The following PTCHD4 variants were observed in gnomAD, a reference collection of about 807,000 sequenced individuals.
The protein encoded by PTCHD4 is patched domain-containing protein 4.
In PTCHD4, 33 loss-of-function variants were observed where a neutral mutation model predicts 58.1. That is an observed-to-expected ratio of 0.57 (90% CI 0.43 to 0.76). The LOEUF is 0.76. Among genes scored for constraint, PTCHD4 ranks in the 30% least tolerant of loss-of-function variants. The pLI, the probability that PTCHD4 is intolerant of heterozygous loss-of-function variation, is 0.00. For synonymous variants in PTCHD4, 478 were observed against 409.6 expected (o/e 1.17, Z -2.02); for missense variants, 1,058 against 1,027.1 (o/e 1.03, Z -0.41).
intron 1 of PTCHD4, among the ~76,000 whole-genome samples, chr6:48,087,761 T>TA (rs1765290045): frequency 1.3e-5 from 2 of 152,206 alleles, no homozygotes; most frequent in South Asian, 2.1e-4. Flanking sequence ...CATACCTATC[T>TA]AAAAGAATTA....
intron 3 of PTCHD4, among the ~76,000 whole-genome samples, chr6:48,066,391 G>T (rs1008826869): frequency 6.6e-6 from 1 of 152,072 alleles, no homozygotes; most frequent in Non-Finnish European, 1.5e-5. Context: ...AAGCACTAGA[G>T]GACCCAACCA....
chr6:47,867,917 C>A lies in PTCHD4; in HGVS notation c.*10386G>T, dbSNP rs994296266. 1.3e-5 allele frequency among the ~76,000 whole-genome samples: 2 copies of A among 151,734 alleles called. No homozygotes were observed. Among genetic ancestry groups the A allele is most frequent in the Non-Finnish European group, 2.9e-5 (2 of 67,814 alleles). On this transcript the variant is annotated 3_prime_UTR_variant, in exon 5 of 5. Coordinates refer to ENST00000339488, the MANE Select transcript of PTCHD4 (RefSeq NM_001384253.1). Reference sequence around the variant, plus strand: ...TGAGGTAAGTAAATAGGTACAATCACAAGCCATCTAGGGGTACTTCAGAAA... The same window carrying A: ...TGAGGTAAGTAAATAGGTACAATCAAAAGCCATCTAGGGGTACTTCAGAAA...
Position 47,861,804 on chromosome 6 carries a change from T to A in PTCHD4, c.*16499A>T, listed in dbSNP as rs1433247317. ...AAGTATTCCGCTGAGCAATTTGAAC[T>A]GCTTTGTCCCTCACACAGGACTTTG... On this transcript the variant is annotated 3_prime_UTR_variant, in exon 5 of 5. Transcript: ENST00000339488. Among the ~76,000 whole-genome samples, 1 of 151,958 alleles carries A rather than the reference T, an allele frequency of 6.6e-6. No individual in the cohort carries two copies. Among genetic ancestry groups the A allele is most frequent in the Non-Finnish European group, 1.5e-5 (1 of 67,898 alleles).
chr6:48,025,943 G>A lies in PTCHD4; in HGVS notation c.418-16829C>T, dbSNP rs543648490. Among the ~76,000 whole-genome samples the A allele has an allele frequency of 7.2e-5, 11 of 152,110 alleles. No homozygotes were observed. The South Asian group carries it at 2.3e-3, about 32-fold the overall frequency. ...AAAGAGATCTCCCTAGTTTTAAAGG[G>A]CAATGACTCCTACCACTCTCTCCAA... On this transcript the variant is annotated intron_variant, in intron 3 of 4. Transcript: ENST00000339488.
chr6:47,973,396 G>C (rs1384883596), intron 4 of PTCHD4, among the ~76,000 whole-genome samples: 1 of 152,200 alleles, frequency 6.6e-6, no homozygotes, highest in East Asian at 1.9e-4. Context: ...AAGAAGATAA[G>C]CTCCACCTTC....
In PTCHD4 at chr6:47,868,071, G is replaced by C. The variant is rs748703976; in HGVS notation, c.*10232C>G. On this transcript the variant is annotated 3_prime_UTR_variant, in exon 5 of 5. Transcript: ENST00000339488. ...CTGAAACTTTCCAATGTGTTCCTTT[G>C]TTTTTAAAGCCTAACTAAGCTAATG... is the stretch of plus-strand genomic sequence containing the variant. Among the ~76,000 whole-genome samples the C allele has an allele frequency of 6.6e-6, 1 of 151,514 alleles. No homozygotes were observed. Among genetic ancestry groups the C allele is most frequent in the Non-Finnish European group, 1.5e-5 (1 of 67,750 alleles).
chr6:48,058,896 G>A (rs1355799537), intron 3 of PTCHD4, among the ~76,000 whole-genome samples: 1 of 152,066 alleles, frequency 6.6e-6, no homozygotes, highest in Non-Finnish European at 1.5e-5. Flanking sequence ...CACTTACTAA[G>A]GAATTAATGA....
chr6:47,864,307 T>TAC lies in PTCHD4; in HGVS notation c.*13995_*13996insGT, dbSNP rs1264058240. Reference sequence around the variant, plus strand: ...TAAATGGAGCCCATTATTTTTGAGATATATATATACACACACACACACATA... The same window carrying TAC: ...TAAATGGAGCCCATTATTTTTGAGATACATATATATACACACACACACACATA... On this transcript the variant is annotated 3_prime_UTR_variant, in exon 5 of 5. Transcript: ENST00000339488. Among the ~76,000 whole-genome samples the TAC allele has an allele frequency of 1.1e-5, 1 of 88,256 alleles. No individual in the cohort carries two copies. Among genetic ancestry groups the TAC allele is most frequent in the African/African-American group, 3.5e-5 (1 of 28,522 alleles). 57.9% of individuals were successfully genotyped at this position (88,256 alleles called of 152,430 possible).
At chr6:48,080,736 A>G (rs1173817521) in intron 1 of PTCHD4, among the ~76,000 whole-genome samples, 2 of 152,202 alleles carry the variant, frequency 1.3e-5, no homozygotes, top group Admixed American at 1.3e-4. Flanking sequence ...CAACAGGCTA[A>G]CTTCAATCTT....
chr6:47,914,788 C>A (rs1581870690), intron 4 of PTCHD4, among the ~76,000 whole-genome samples: 1 of 146,996 alleles, frequency 6.8e-6, no homozygotes, highest in Non-Finnish European at 1.5e-5. Flanking sequence ...ATCTATCTAT[C>A]TATATTTGTA....
intron 3 of PTCHD4, among the ~76,000 whole-genome samples, chr6:48,025,001 T>C (rs745873017): frequency 1.3e-5 from 2 of 152,212 alleles, no homozygotes; most frequent in African/African-American, 2.4e-5. Context: ...TTGAACACTC[T>C]ACTGGATTGC....
rs1167205503 is a variant in PTCHD4, at chr6:47,981,893, T to C, written c.898+26741A>G. Among the ~76,000 whole-genome samples, 3 of 152,218 alleles carry C rather than the reference T, an allele frequency of 2.0e-5. No individual in the cohort carries two copies. The East Asian group carries it at 5.8e-4, about 29-fold the overall frequency. On this transcript the variant is annotated intron_variant, in intron 4 of 4. Transcript: ENST00000339488. ...TCCAGTTGTCATCCAGGCTCATTTTTGTGAGGAAAGATTACTCCTGTTTTG... is the reference window on the plus strand; with the variant it reads ...TCCAGTTGTCATCCAGGCTCATTTTCGTGAGGAAAGATTACTCCTGTTTTG...
chr6:48,046,112 A>G (rs1764028456), intron 3 of PTCHD4, among the ~76,000 whole-genome samples: 1 of 151,908 alleles, frequency 6.6e-6, no homozygotes, highest in Non-Finnish European at 1.5e-5. Flanking sequence ...AATGTAAGTT[A>G]CTTAGGAGAA....
chr6:48,085,354 A>C (rs767232628), intron 1 of PTCHD4, among the ~76,000 whole-genome samples: 3 of 152,320 alleles, frequency 2.0e-5, no homozygotes, highest in Non-Finnish European at 4.4e-5. Context: ...ATGCTTAATT[A>C]GTGTTTTCTT....
intron 1 of PTCHD4, among the ~76,000 whole-genome samples, chr6:48,089,792 A>T (rs1765329933): frequency 6.6e-6 from 1 of 152,224 alleles, no homozygotes; most frequent in East Asian, 1.9e-4. Context: ...TCACAATTTT[A>T]TGTCCCATGT....
chr6:47,969,302 A>G (rs1367746373), intron 4 of PTCHD4, among the ~76,000 whole-genome samples: 1 of 152,244 alleles, frequency 6.6e-6, no homozygotes, highest in African/African-American at 2.4e-5. Flanking sequence ...TTATGGTGAC[A>G]GAAAACAAAT....
chr6:47,858,120 T>G lies in PTCHD4; in HGVS notation c.*20183A>C, dbSNP rs1763340396. Among the ~76,000 whole-genome samples the G allele has an allele frequency of 6.6e-6, 1 of 152,026 alleles. No individual in the cohort carries two copies. Among genetic ancestry groups the G allele is most frequent in the Admixed American group, 6.6e-5 (1 of 15,226 alleles). On this transcript the variant is annotated 3_prime_UTR_variant, in exon 5 of 5. Coordinates refer to ENST00000339488, the MANE Select transcript of PTCHD4 (RefSeq NM_001384253.1). ...ATGTACTTCCTTGTTGTACATTCCC[T>G]GGAAAGTGTTTGGTTAGAAATTATA...
intron 3 of PTCHD4, among the ~76,000 whole-genome samples, chr6:48,052,543 A>C (rs1764270380): frequency 6.6e-6 from 1 of 152,000 alleles, no homozygotes; most frequent in Non-Finnish European, 1.5e-5. Context: ...CAATTTTTGG[A>C]GATACATTTT....
At chr6:47,958,143 A>G (rs1766942522) in intron 4 of PTCHD4, among the ~76,000 whole-genome samples, 1 of 152,208 alleles carries the variant, frequency 6.6e-6, no homozygotes, top group Non-Finnish European at 1.5e-5. Context: ...TCAAGCCAAA[A>G]TACCCTCTAT....
Sources: gnomAD v4.1 joint callset for allele counts (sites outside exome capture counted in the v4.1 genomes callset) on GRCh38, gnomAD v4.1.1 for gene constraint, MANE v1.5 for transcripts, NCBI Gene and HGNC (gene_info 2026-07-23, HGNC 2026-07-21) for gene names.